Variants in MYO3B observed in about 807,000 individuals in gnomAD.
MYO3B encodes myosin-IIIb.
In MYO3B, 156 loss-of-function variants were observed where a neutral mutation model predicts 174.6. The ratio of observed to expected loss-of-function variants is 0.89; its 90% CI spans 0.78 to 1.02. The LOEUF is 1.02. Among genes scored for constraint, MYO3B ranks in the 50% least tolerant of loss-of-function variants. The pLI is 0.00. For missense variants in MYO3B, 1,632 were observed against 1,639.4 expected (o/e 1.00, Z 0.08); for synonymous variants, 563 against 569.1 (o/e 0.99, Z 0.15).
At chr2:170,412,061 G>A (rs959767481) in intron 22 of MYO3B, 2 of 152,214 alleles carry the variant, frequency 1.3e-5, no homozygotes, top group African/African-American at 4.8e-5. Context: ...AAAATTTGAA[G>A]TAGCAGCAAC....
intron 7 of MYO3B, among the ~76,000 whole-genome samples, chr2:170,237,298 G>A (rs2093081303): frequency 1.3e-5 from 2 of 152,094 alleles, no homozygotes; most frequent in South Asian, 2.1e-4. Context: ...ATTTGTGTGT[G>A]TGCTTTGATT....
intron 32 of MYO3B, among the ~76,000 whole-genome samples, chr2:170,648,818 T>C (rs1698610569): frequency 8.7e-6 from 1 of 114,490 alleles, no homozygotes; most frequent in Admixed American, 1.1e-4. Flanking sequence ...ATATATTATA[T>C]AGAATATTAT....
intron 32 of MYO3B, among the ~76,000 whole-genome samples, chr2:170,635,958 T>G (rs1697429717): frequency 6.6e-6 from 1 of 152,250 alleles, no homozygotes; most frequent in Admixed American, 6.5e-5. Context: ...ATTATTTAAG[T>G]TGTGTCAAAA....
At chr2:170,229,025 A>G in intron 6 of MYO3B, among the ~76,000 whole-genome samples, 1 of 151,716 alleles carries the variant, frequency 6.6e-6, no homozygotes, top group Non-Finnish European at 1.5e-5. Context: ...ATGTATCATC[A>G]TAGGTAAGAA....
chr2:170,537,957 A>G (rs1429158121), intron 30 of MYO3B, among the ~76,000 whole-genome samples: 1 of 152,224 alleles, frequency 6.6e-6, no homozygotes, highest in Non-Finnish European at 1.5e-5. Flanking sequence ...GCGTGAACGA[A>G]TAAATGGATA....
At chr2:170,514,823 AGT>A (rs1688204740) in intron 28 of MYO3B, 96 bp from the exon 29 acceptor site, 1 of 970,816 alleles carries the variant, frequency 1.0e-6, no homozygotes. Context: ...CCGTAAGAAA[AGT>A]GTGGATTTTC....
chr2:170,301,013 A>G (rs887240225), intron 7 of MYO3B, among the ~76,000 whole-genome samples: 3 of 152,236 alleles, frequency 2.0e-5, no homozygotes, highest in African/African-American at 7.2e-5. Flanking sequence ...ATCAGATTTT[A>G]CAGGCTACAT....
chr2:170,548,869 A>G (rs941292412), intron 32 of MYO3B, among the ~76,000 whole-genome samples: 1 of 152,162 alleles, frequency 6.6e-6, no homozygotes, highest in Admixed American at 6.5e-5. Flanking sequence ...TTCTCTGTTT[A>G]ATTTTTCCTC....
chr2:170,350,393 C>G (rs78618616), intron 8 of MYO3B: 1 of 152,176 alleles, frequency 6.6e-6, no homozygotes, highest in South Asian at 2.1e-4. Context: ...TCATGGCAAT[C>G]TCAGTGGTTA....
Position 170,653,227 on chromosome 2 carries a change from A to G in MYO3B, c.*106A>G. 1 of 1,373,400 alleles carries G rather than the reference A, an allele frequency of 7.3e-7. No individual in the cohort carries two copies. The highest frequency in any genetic ancestry group is 1.0e-6 in the Non-Finnish European group (1 of 979,454). The allele number at this position is 1,373,400 out of a possible 1,614,324, so 85.1% of individuals were successfully genotyped here. On this transcript the variant is annotated 3_prime_UTR_variant, in exon 35 of 35. Coordinates refer to ENST00000408978, the MANE Select transcript of MYO3B (RefSeq NM_138995.5). ...TGATATGGGGTCAGCTTCTTTGGAC[A>G]TATGGTCCATGCCTGAACCTTACTG...
chr2:170,228,141 C>A (rs544649169), intron 6 of MYO3B, among the ~76,000 whole-genome samples: 1 of 152,246 alleles, frequency 6.6e-6, no homozygotes, highest in African/African-American at 2.4e-5. Context: ...ACTGTGACTG[C>A]GGCTCTCTGA....
At chr2:170,548,515 A>G (rs1202312183) in intron 32 of MYO3B, among the ~76,000 whole-genome samples, 1 of 152,148 alleles carries the variant, frequency 6.6e-6, no homozygotes. Context: ...TCTCAGTGAA[A>G]TGGGAAGCCA....
At chr2:170,496,399 A>G (rs1189916964) in intron 25 of MYO3B, among the ~76,000 whole-genome samples, 1 of 152,072 alleles carries the variant, frequency 6.6e-6, no homozygotes, top group African/African-American at 2.4e-5. Flanking sequence ...AGTAATTTCA[A>G]AATATCAGAT....
intron 7 of MYO3B, among the ~76,000 whole-genome samples, chr2:170,323,753 A>C (rs1258115329): frequency 6.6e-6 from 1 of 152,192 alleles, no homozygotes; most frequent in African/African-American, 2.4e-5. Context: ...AGTACTCAAG[A>C]AGTGAGTTAT....
intron 32 of MYO3B, among the ~76,000 whole-genome samples, chr2:170,640,008 A>C (rs1362214615): frequency 6.6e-6 from 1 of 152,202 alleles, no homozygotes; most frequent in Non-Finnish European, 1.5e-5. Context: ...TGTCCAGTGA[A>C]TACTTCCCTG....
chr2:170,585,714 A>G (rs1397216539), intron 32 of MYO3B, among the ~76,000 whole-genome samples: 1 of 152,112 alleles, frequency 6.6e-6, no homozygotes, highest in Non-Finnish European at 1.5e-5. Flanking sequence ...AGCAATAAGT[A>G]AGGAAATCGA....
At chr2:170,582,515 G>A (rs1693219333) in intron 32 of MYO3B, among the ~76,000 whole-genome samples, 1 of 152,086 alleles carries the variant, frequency 6.6e-6, no homozygotes, top group Non-Finnish European at 1.5e-5. Context: ...CCCCTCCAGT[G>A]GGCAGCACTG....
chr2:170,368,556 C>T (rs1028882023), intron 8 of MYO3B, among the ~76,000 whole-genome samples: 2 of 152,184 alleles, frequency 1.3e-5, no homozygotes, highest in African/African-American at 4.8e-5. Flanking sequence ...AACCAATTAA[C>T]CACAGAAGAG....
At chr2:170,203,502 G>A (rs1350255406) in intron 3 of MYO3B, among the ~76,000 whole-genome samples, 1 of 141,984 alleles carries the variant, frequency 7.0e-6, no homozygotes, top group Non-Finnish European at 1.5e-5. Context: ...GGGCGGCGGG[G>A]GGGGGAGGGA....
Sources: gnomAD v4.1 joint callset for allele counts (sites outside exome capture counted in the v4.1 genomes callset) on GRCh38, gnomAD v4.1.1 for gene constraint, MANE v1.5 for transcripts, NCBI Gene and HGNC (gene_info 2026-07-23, HGNC 2026-07-21) for gene names.